The following HMBOX1 variants were observed in gnomAD, a reference collection of about 807,000 sequenced individuals.
The protein encoded by HMBOX1 is homeobox containing 1.
HMBOX1 carries 14 observed loss-of-function variants against 54.5 expected under a neutral mutation model. The observed-to-expected ratio is 0.26, with a 90% CI of 0.17 to 0.40. The LOEUF is 0.40. HMBOX1 is among the 10% of genes least tolerant of loss of function. HMBOX1 has a pLI of 1.00. For missense variants in HMBOX1, 332 were observed against 514.4 expected, an observed-to-expected ratio of 0.65 and a Z score of 3.43; for synonymous variants, 160 against 181.0, an observed-to-expected ratio of 0.88 and a Z score of 0.93.
At chr8:28,944,519 G>A (rs1381364864) in intron 1 of HMBOX1, among the ~76,000 whole-genome samples, 4 of 152,168 alleles carry the variant, frequency 2.6e-5, no homozygotes, top group Non-Finnish European at 5.9e-5. Context: ...GTTCTGTGAG[G>A]TACTGGAAGA....
chr8:28,965,092 G>A (rs1212509264), intron 2 of HMBOX1, among the ~76,000 whole-genome samples: 1 of 152,216 alleles, frequency 6.6e-6, no homozygotes, highest in Non-Finnish European at 1.5e-5. Context: ...ATGTCTAATA[G>A]TTACTGAAAT....
chr8:28,916,182 A>G (rs2131725591), intron 1 of HMBOX1, among the ~76,000 whole-genome samples: 1 of 152,356 alleles, frequency 6.6e-6, no homozygotes, highest in African/African-American at 2.4e-5. Flanking sequence ...AGAAGACAGC[A>G]TATTTTCAGT....
At chr8:28,993,463 T>C (rs1284349579) in intron 4 of HMBOX1, among the ~76,000 whole-genome samples, 1 of 152,186 alleles carries the variant, frequency 6.6e-6, no homozygotes, top group Non-Finnish European at 1.5e-5. Context: ...ATAACCTACA[T>C]GTCCACCAGT....
At chr8:29,035,361 T>A (rs982219178) in intron 6 of HMBOX1, among the ~76,000 whole-genome samples, 8 of 151,994 alleles carry the variant, frequency 5.3e-5, no homozygotes, top group African/African-American at 9.7e-5. Flanking sequence ...TCAGCACTTT[T>A]AAAAAAAAGA....
chr8:28,903,554 G>A (rs1032125908), intron 1 of HMBOX1, among the ~76,000 whole-genome samples: 1 of 151,636 alleles, frequency 6.6e-6, no homozygotes, highest in Non-Finnish European at 1.5e-5. Flanking sequence ...CAATAATCCT[G>A]TGCTTCTGTC....
intron 4 of HMBOX1, among the ~76,000 whole-genome samples, chr8:28,994,564 A>T (rs771339396): frequency 2.6e-5 from 4 of 152,208 alleles, no homozygotes; most frequent in Non-Finnish European, 5.9e-5. Context: ...TTATATTGGG[A>T]TAGGAAAGGC....
chr8:28,991,793 A>G (rs983779940), intron 4 of HMBOX1, among the ~76,000 whole-genome samples: 6 of 152,196 alleles, frequency 3.9e-5, no homozygotes, highest in Admixed American at 1.3e-4. Flanking sequence ...AATCCCTATC[A>G]ACATCTAGCT....
At chr8:28,959,080 T>C (rs1307609688) in intron 1 of HMBOX1, among the ~76,000 whole-genome samples, 2 of 152,194 alleles carry the variant, frequency 1.3e-5, no homozygotes, top group Non-Finnish European at 2.9e-5. Flanking sequence ...ATTTTCCTTC[T>C]TCACAGTTTC....
chr8:28,953,043 A>C (rs1419184178), intron 1 of HMBOX1, among the ~76,000 whole-genome samples: 2 of 152,222 alleles, frequency 1.3e-5, no homozygotes, highest in African/African-American at 4.8e-5. Flanking sequence ...GTCTTGTCTT[A>C]ATTACCTACC....
chr8:28,970,981 GACACAC>G lies in HMBOX1; in HGVS notation c.500+506_500+511del, dbSNP rs10554708. On this transcript the variant is annotated intron_variant, in intron 3 of 9. Transcript: ENST00000287701. This position sits in a 1 kb window ranked among gnomAD's most constrained non-coding sequence, Gnocchi z 4.3. ...ATAGGTTCTAATTTTAGCAATAGAT[GACACAC>G]ACACACACACACACACACACACACA... Among the ~76,000 whole-genome samples the G allele has an allele frequency of 0.19, 24,525 of 131,842 alleles. 2,192 individuals carry two copies. The highest frequency in any genetic ancestry group is 0.21 in the Non-Finnish European group (12,854 of 62,630). 86.5% of individuals were successfully genotyped at this position (131,842 alleles called of 152,430 possible).
chr8:28,900,657 G>A (rs1403287208), intron 1 of HMBOX1, among the ~76,000 whole-genome samples: 1 of 151,982 alleles, frequency 6.6e-6, no homozygotes, highest in Non-Finnish European at 1.5e-5. Flanking sequence ...AGTTTTTATG[G>A]TTATGGCATC....
At chr8:29,035,084 A>C (rs1803637635) in intron 6 of HMBOX1, among the ~76,000 whole-genome samples, 1 of 152,188 alleles carries the variant, frequency 6.6e-6, no homozygotes, top group South Asian at 2.1e-4. Flanking sequence ...TGATTCTTAA[A>C]AGAATCTATG....
intron 2 of HMBOX1, among the ~76,000 whole-genome samples, chr8:28,969,490 T>C (rs1213055938): frequency 6.6e-6 from 1 of 152,164 alleles, no homozygotes; most frequent in East Asian, 1.9e-4. Flanking sequence ...ACCTCTGTTT[T>C]CCACTTAAGT....
chr8:28,893,044 G>A (rs1289896636), intron 1 of HMBOX1, among the ~76,000 whole-genome samples: 1 of 152,130 alleles, frequency 6.6e-6, no homozygotes, highest in African/African-American at 2.4e-5. Flanking sequence ...AAACACGAGT[G>A]TTTTCTCTTC....
At chr8:28,958,003 G>C (rs1030602024) in intron 1 of HMBOX1, among the ~76,000 whole-genome samples, 2 of 152,126 alleles carry the variant, frequency 1.3e-5, no homozygotes, top group African/African-American at 4.8e-5. Context: ...ATTGGGAAAG[G>C]CTATCCCTGT....
chr8:28,983,907 A>G (rs193149033), intron 4 of HMBOX1, among the ~76,000 whole-genome samples: 126 of 152,314 alleles, frequency 8.3e-4, no homozygotes, highest in African/African-American at 2.8e-3. Flanking sequence ...CTGTTGGTCA[A>G]CTTACTGAAC....
At chr8:29,023,463 C>A (rs1025850574) in intron 6 of HMBOX1, among the ~76,000 whole-genome samples, 3 of 152,148 alleles carry the variant, frequency 2.0e-5, no homozygotes, top group Non-Finnish European at 4.4e-5. Context: ...AGTTCAGTGG[C>A]ATGATCATAG....
chr8:28,985,235 G>C (rs1829989473), intron 4 of HMBOX1, among the ~76,000 whole-genome samples: 1 of 152,208 alleles, frequency 6.6e-6, no homozygotes, highest in Non-Finnish European at 1.5e-5. Flanking sequence ...AGTGTCTGGT[G>C]AGAGCCTGCT....
intron 5 of HMBOX1, among the ~76,000 whole-genome samples, chr8:29,013,475 A>C (rs548642189): frequency 6.6e-6 from 1 of 152,160 alleles, no homozygotes; most frequent in African/African-American, 2.4e-5. Flanking sequence ...ATCCAGTTGT[A>C]TATGGCTTTT....
Sources: allele counts gnomAD v4.1 joint callset (sites outside exome capture counted in the v4.1 genomes callset), GRCh38; gene constraint gnomAD v4.1.1; non-coding constraint Gnocchi (gnomAD v3.1); transcripts MANE v1.5; gene names NCBI Gene and HGNC (gene_info 2026-07-23, HGNC 2026-07-21).